Variants in PGM3 observed in about 807,000 individuals in gnomAD.
PGM3 encodes the protein phosphoglucomutase 3.
Under a neutral mutation model 66.2 loss-of-function variants are expected in PGM3, and 40 were observed. The ratio of observed to expected loss-of-function variants is 0.60; its 90% confidence interval spans 0.47 to 0.79. The LOEUF (loss-of-function observed/expected upper bound fraction) is 0.79, where lower values mean the gene tolerates loss of function less well. Among genes scored for constraint, PGM3 ranks in the 30% least tolerant of loss-of-function variants. The probability of loss-of-function intolerance (pLI) is 0.00; values close to 1 mark genes in which losing one functional copy is unlikely to be tolerated. For missense variants in PGM3, 537 were observed against 643.4 expected (o/e 0.83, Z 1.79); for synonymous variants, 191 against 224.2 (o/e 0.85, Z 1.32).
chr6:83,158,665 C>A (rs45469502), downstream of PGM3: 4 of 1,355,504 alleles, frequency 3.0e-6, no homozygotes, highest in African/African-American at 1.5e-5. Context: ...TTTTTAATAC[C>A]CTGAAATTAT....
At chr6:83,149,622 C>T in the PGM3 span, among the ~76,000 whole-genome samples, 2,765 of 151,942 alleles carry the variant, frequency 0.018, 48 homozygotes, top group Admixed American at 0.06. Context: ...GGAGTGGGAG[C>T]GGTTGCAGGT....
the PGM3 span, chr6:83,151,777 A>G: frequency 6.9e-7 from 1 of 1,438,998 alleles, no homozygotes; most frequent in Non-Finnish European, 9.5e-7. Context: ...TATGGGAATC[A>G]ACAAGTCTAT....
intron 12 of PGM3, chr6:83,169,742 T>TA (rs1221195378): frequency 2.2e-6 from 1 of 458,330 alleles, no homozygotes; most frequent in Non-Finnish European, 4.4e-6. Context: ...CCTGATTCCC[T>TA]ATTCAGCGCA....
Position 83,188,798 on chromosome 6 carries a change from C to A in PGM3, c.205G>T (p.Glu69Ter). Residue 69 changes from glutamate to a stop codon, truncating the protein, a stop_gained and splice_region_variant, in exon 3 of 13, where the codon GAA (glutamate) becomes TAA (stop). Coordinates refer to ENST00000513973, the MANE Select transcript of PGM3 (RefSeq NM_015599.3). LOFTEE classifies it high-confidence loss of function. ...VMVTASHNPE[E>*]DNGVKLVDPL... ...TCAACCAATTTTACACCATTGTCTTCCTTAAAAGAAAAACAAACAATAAGC... is the reference window on the plus strand; with the variant it reads ...TCAACCAATTTTACACCATTGTCTTACTTAAAAGAAAAACAAACAATAAGC... 2 of 1,613,404 alleles carry A rather than the reference C, an allele frequency of 1.2e-6. No homozygotes were observed. Among genetic ancestry groups the A allele is most frequent in the Non-Finnish European group, 1.7e-6 (2 of 1,179,532 alleles).
At chr6:83,170,592 C>T in intron 11 of PGM3, 114 bp from the exon 12 acceptor site, 1 of 810,192 alleles carries the variant, frequency 1.2e-6, no homozygotes, top group Non-Finnish European at 2.0e-6. Context: ...TACATTAAAA[C>T]TTCTTTCTCC....
At chr6:83,159,828 C>T (rs764395084), downstream of PGM3, 1 of 1,614,166 alleles carries the variant, frequency 6.2e-7, no homozygotes, top group Non-Finnish European at 8.5e-7. Context: ...GGTCTGGAGA[C>T]AACGTACACA....
intron 7 of PGM3, 121 bp from the exon 8 acceptor site, chr6:83,178,877 C>T: frequency 1.5e-6 from 1 of 658,356 alleles, no homozygotes; most frequent in Admixed American, 2.7e-5. Context: ...TAGTTTATGC[C>T]AAAAATGTCT....
At chr6:83,152,423 A>G in the PGM3 span, 2 of 792,038 alleles carry the variant, frequency 2.5e-6, no homozygotes, top group Non-Finnish European at 3.8e-6. Flanking sequence ...ATTATTAAAA[A>G]TTAGCAAGTA....
chr6:83,154,802 AAG>A, the PGM3 span, among the ~76,000 whole-genome samples: 37 of 152,328 alleles, frequency 2.4e-4, no homozygotes, highest in African/African-American at 7.7e-4. Flanking sequence ...TCTGAAAAAA[AAG>A]AGTTTTAAAA....
At chr6:83,159,518 T>C (rs905207908), downstream of PGM3, among the ~76,000 whole-genome samples, 4 of 152,116 alleles carry the variant, frequency 2.6e-5, no homozygotes, top group Non-Finnish European at 4.4e-5. Flanking sequence ...CTCAAATTCC[T>C]GGGCTCAAAC....
chr6:83,188,232 CAAT>C (rs1249936301), intron 3 of PGM3, among the ~76,000 whole-genome samples: 2 of 151,526 alleles, frequency 1.3e-5, no homozygotes, highest in Admixed American at 6.6e-5. Context: ...ATATTTGAAA[CAAT>C]AATAACACAG....
At chr6:83,151,848 G>A in the PGM3 span, 1 of 1,604,028 alleles carries the variant, frequency 6.2e-7, no homozygotes, top group Non-Finnish European at 8.5e-7. Flanking sequence ...GTGCATGTGT[G>A]TACCATACAT....
chr6:83,159,734 T>G (rs975137650), downstream of PGM3: 1 of 1,585,946 alleles, frequency 6.3e-7, no homozygotes, highest in African/African-American at 1.3e-5. Context: ...CTTTTAGATC[T>G]TTCCAGGAAT....
intron 8 of PGM3, among the ~76,000 whole-genome samples, chr6:83,177,567 C>G (rs1787874163): frequency 6.6e-6 from 1 of 152,164 alleles, no homozygotes; most frequent in Non-Finnish European, 1.5e-5. Context: ...TTTAATATAG[C>G]CAAGCGGACA....
At position 83,169,339 on chromosome 6, in the gene PGM3, A is replaced by G. The variant is rs1383955217; in HGVS notation, c.1540-16T>C. On this transcript the variant is annotated splice_polypyrimidine_tract_variant and intron_variant, in intron 12 of 12. Transcript: ENST00000513973. ...CTGCACTTTCCTGCAAATTACATTAAAAGAGATTAGATGAGAAAGACATAG... is the reference window on the plus strand; with the variant it reads ...CTGCACTTTCCTGCAAATTACATTAGAAGAGATTAGATGAGAAAGACATAG... 1.2e-6 allele frequency: 2 copies of G among 1,613,434 alleles called. No homozygotes were observed. The highest frequency in any genetic ancestry group is 1.3e-5 in the African/African-American group (1 of 75,050).
At chr6:83,151,584 C>T in the PGM3 span, 22 of 1,584,930 alleles carry the variant, frequency 1.4e-5, no homozygotes, top group Non-Finnish European at 1.8e-5. Context: ...TTCTCTTTGG[C>T]CCTTTTAGGG....
chr6:83,152,491 T>C, the PGM3 span: 778 of 417,096 alleles, frequency 1.9e-3, 1 homozygote, highest in Non-Finnish European at 2.6e-3. Flanking sequence ...GAAATCACTA[T>C]ATAGAATTAA....
intron 3 of PGM3, 147 bp from the exon 4 acceptor site, chr6:83,187,222 T>A: frequency 1.9e-6 from 1 of 521,582 alleles, no homozygotes; most frequent in Non-Finnish European, 3.5e-6. Flanking sequence ...ACTCTCAAGA[T>A]AACTGGTAAA....
intron 9 of PGM3, among the ~76,000 whole-genome samples, chr6:83,174,826 T>A (rs1355252224): frequency 6.6e-6 from 1 of 152,238 alleles, no homozygotes; most frequent in Non-Finnish European, 1.5e-5. Context: ...ACCAGGTTAC[T>A]TAGAGCCTGT....
Sources: allele counts gnomAD v4.1 joint callset (sites outside exome capture counted in the v4.1 genomes callset), GRCh38; gene constraint gnomAD v4.1.1; transcripts MANE v1.5; gene names NCBI Gene and HGNC (gene_info 2026-07-23, HGNC 2026-07-21).